Variants in PARP1 observed in about 807,000 individuals in gnomAD.
PARP1 encodes the protein poly [ADP-ribose] polymerase 1.
Under a neutral mutation model 118.7 loss-of-function variants are expected in PARP1, and 44 were observed. The observed-to-expected ratio is 0.37, with a 90% CI of 0.29 to 0.48. The LOEUF (loss-of-function observed/expected upper bound fraction) is 0.48. Among genes scored for constraint, PARP1 ranks in the 20% least tolerant of loss-of-function variants. The probability of loss-of-function intolerance (pLI) is 0.99; values close to 1 mark genes in which losing one functional copy is unlikely to be tolerated. For synonymous variants in PARP1, 492 were observed against 483.2 expected (o/e 1.02, Z -0.24); for missense variants, 1,100 against 1,272.4 (o/e 0.86, Z 2.06).
At position 226,367,614 on chromosome 1, in the gene PARP1, G is replaced by A. The variant is rs375699646; in HGVS notation, c.2278-6C>T. 102 of 1,613,926 alleles carry A rather than the reference G, an allele frequency of 6.3e-5. No individual in the cohort carries two copies. The highest frequency in any genetic ancestry group is 7.8e-5 in the Non-Finnish European group (92 of 1,180,038). ...TCAAGCATTTCCACCTTGGCCTGGA[G>A]GAGCAAAAGAAAGCCCCCGACTTAG... is the stretch of plus-strand genomic sequence containing the variant. On this transcript the variant is annotated splice_region_variant and splice_polypyrimidine_tract_variant and intron_variant, in intron 16 of 22. Coordinates refer to ENST00000366794, the MANE Select transcript of PARP1 (RefSeq NM_001618.4).
intron 17 of PARP1, chr1:226,367,121 C>T (rs1664286353): frequency 5.8e-6 from 2 of 346,520 alleles, no homozygotes; most frequent in African/African-American, 2.1e-5. Flanking sequence ...AAAGTTCACG[C>T]TACAAGGGTT....
chr1:226,388,290 T>C (rs1664752483), intron 5 of PARP1, among the ~76,000 whole-genome samples: 1 of 152,236 alleles, frequency 6.6e-6, no homozygotes, highest in Non-Finnish European at 1.5e-5. Flanking sequence ...CTCTAAGTAT[T>C]CAGTTTCCAA....
At position 226,392,245 on chromosome 1, in the gene PARP1, T is replaced by C. The variant is rs758526385; in HGVS notation, c.356A>G (p.Lys119Arg). Residue 119 changes from lysine to arginine, a missense_variant, in exon 3 of 23, where the codon AAG becomes AGG. By Grantham distance (26) the Lys-to-Arg change is conservative. Transcript: ENST00000366794. ...TLGDFAAEYA[K>R]SNRSTCKGCM... ...CCCCTTGCACGTACTTCTGTTGGACTTGGCATACTCTGCTGCAAAGTCACC... is the reference window on the plus strand; with the variant it reads ...CCCCTTGCACGTACTTCTGTTGGACCTGGCATACTCTGCTGCAAAGTCACC... 13 of 1,614,022 alleles carry C rather than the reference T, an allele frequency of 8.1e-6. No homozygotes were observed. In the African/African-American group the frequency reaches 1.5e-4, roughly 18 times the overall value.
At chr1:226,373,172 C>A (rs1664424150) in intron 14 of PARP1, among the ~76,000 whole-genome samples, 1 of 152,196 alleles carries the variant, frequency 6.6e-6, no homozygotes, top group South Asian at 2.1e-4. Flanking sequence ...GTCCTCCCAG[C>A]TCTAAGGCAG....
intron 2 of PARP1, among the ~76,000 whole-genome samples, chr1:226,400,340 T>C (rs6701634): frequency 0.23 from 34,303 of 151,518 alleles, 4,650 homozygotes; most frequent in African/African-American, 0.37. Flanking sequence ...AAAAACAAAG[T>C]AGGGAAACTA....
intron 8 of PARP1, among the ~76,000 whole-genome samples, chr1:226,381,868 G>A (rs1052425780): frequency 3.3e-5 from 5 of 152,172 alleles, no homozygotes; most frequent in African/African-American, 1.2e-4. Flanking sequence ...TCCCTGTGAG[G>A]GCAAACAACT....
chr1:226,405,287 G>A (rs979608081), intron 1 of PARP1, among the ~76,000 whole-genome samples: 10 of 151,908 alleles, frequency 6.6e-5, no homozygotes, highest in African/African-American at 1.5e-4. Flanking sequence ...AGCCCAGAAT[G>A]TTGTTATTAC....
At chr1:226,383,329 G>C (rs1250727506) in intron 7 of PARP1, 146 bp from the exon 8 acceptor site, 1 of 692,546 alleles carries the variant, frequency 1.4e-6, no homozygotes, top group East Asian at 2.6e-5. Context: ...AAAAATGTGA[G>C]GCTTTAAGGA....
At chr1:226,363,414 T>C (rs996729317) in intron 20 of PARP1, among the ~76,000 whole-genome samples, 6 of 151,960 alleles carry the variant, frequency 3.9e-5, no homozygotes, top group African/African-American at 1.4e-4. Context: ...CTATTTGGAG[T>C]GGTGGTCAGC....
At chr1:226,370,136 C>G (rs1664349861) in intron 15 of PARP1, among the ~76,000 whole-genome samples, 2 of 152,074 alleles carry the variant, frequency 1.3e-5, no homozygotes, top group African/African-American at 4.8e-5. Context: ...CCCGAGGATA[C>G]AGAGGGATGA....
chr1:226,404,112 C>G (rs1274930455), intron 1 of PARP1, among the ~76,000 whole-genome samples: 1 of 152,194 alleles, frequency 6.6e-6, no homozygotes, highest in African/African-American at 2.4e-5. Flanking sequence ...CAGCTCCCCT[C>G]ACTAAGAACT....
At chr1:226,376,999 TGGTAG>T in intron 13 of PARP1, 104 bp downstream of exon 13, 2 of 945,918 alleles carry the variant, frequency 2.1e-6, no homozygotes, top group Non-Finnish European at 3.5e-6. Flanking sequence ...TTTCAACATT[TGGTAG>T]TATGTTTACT....
In PARP1 at chr1:226,368,264, T is replaced by G; in HGVS notation, c.2212A>C (p.Thr738Pro). 1 of 1,614,048 alleles carries G rather than the reference T, an allele frequency of 6.2e-7. No homozygotes were observed. Among genetic ancestry groups the G allele is most frequent in the Non-Finnish European group, 8.5e-7 (1 of 1,179,988 alleles). The change falls in exon 16 of 23, where the codon ACC (threonine) becomes CCC (proline). Residue 738 changes from threonine (T) to proline (P), a missense_variant. Physicochemically the swap from Thr to Pro is conservative, Grantham distance 38. Coordinates refer to ENST00000366794, the MANE Select transcript of PARP1 (RefSeq NM_001618.4). ...ATCCCAAAGTCGTGGGGGATCAGGG[T>G]GTAAAAGCGATTTGAGAGATCCAGG... ...QILDLSNRFY[T>P]LIPHDFGMKK...
chr1:226,382,878 A>C (rs541677634), intron 8 of PARP1, among the ~76,000 whole-genome samples, 158 bp downstream of exon 8: 1 of 152,322 alleles, frequency 6.6e-6, no homozygotes, highest in East Asian at 1.9e-4. Flanking sequence ...AAGCCAAGAG[A>C]AGAGGCCTAT....
At chr1:226,361,632 G>A (rs1664141705) in intron 22 of PARP1, 91 bp from the exon 23 acceptor site, 3 of 955,422 alleles carry the variant, frequency 3.1e-6, no homozygotes, top group Non-Finnish European at 5.1e-6. Flanking sequence ...GACGCTCAGT[G>A]CCAGCCTGAA....
chr1:226,388,269 T>A (rs1246693174), intron 5 of PARP1, among the ~76,000 whole-genome samples: 2 of 152,236 alleles, frequency 1.3e-5, no homozygotes, highest in South Asian at 2.1e-4. Flanking sequence ...ATGCTAAGAA[T>A]CTTTGGCATC....
chr1:226,392,081 A>G, intron 3 of PARP1, 118 bp downstream of exon 3: 1 of 791,722 alleles, frequency 1.3e-6, no homozygotes, highest in South Asian at 1.4e-5. Context: ...TTTATTTTTA[A>G]TCACTTACGT....
At chr1:226,382,958 C>G in intron 8 of PARP1, 78 bp downstream of exon 8, 1 of 1,506,218 alleles carries the variant, frequency 6.6e-7, no homozygotes, top group African/African-American at 1.4e-5. Flanking sequence ...CTTTCTTCAC[C>G]AGCTCCACAC....
chr1:226,365,455 T>C (rs1215510816), intron 18 of PARP1, among the ~76,000 whole-genome samples: 2 of 152,220 alleles, frequency 1.3e-5, no homozygotes, highest in Admixed American at 1.3e-4. Context: ...GGAAATGTCC[T>C]TTAAAACAGA....
Sources: gnomAD v4.1 joint callset for allele counts (sites outside exome capture counted in the v4.1 genomes callset) on GRCh38, gnomAD v4.1.1 for gene constraint, MANE v1.5 for transcripts, NCBI Gene and HGNC (gene_info 2026-07-23, HGNC 2026-07-21) for gene names.